Variants in COX7B2 observed in about 807,000 individuals in gnomAD.
COX7B2 encodes cytochrome c oxidase subunit 7B2, mitochondrial.
For synonymous variants in COX7B2, 37 were observed against 32.1 expected (o/e 1.15, Z -0.51); for missense variants, 109 against 95.9 (o/e 1.14, Z -0.57).
rs868209822 is a variant in COX7B2 at position 46,754,731 on chromosome 4, T to C, written c.-49-19490A>G. On this transcript the variant is annotated intron_variant, in intron 2 of 2. Coordinates refer to ENST00000355591, the MANE Select transcript of COX7B2 (RefSeq NM_130902.3). ...GTGTGTGTGTGTGTGTGTGTGTGTA[T>C]ATATATATATATATATATGAAAGAA... 2.0e-4 allele frequency among the ~76,000 whole-genome samples: 25 copies of C among 122,618 alleles called. 1 individual carries two copies. Among genetic ancestry groups the C allele is most frequent in the Non-Finnish European group, 1.5e-4 (9 of 59,246 alleles). The allele number at this position is 122,618 out of a possible 152,430, so 80.4% of individuals were successfully genotyped here. A position where few individuals can be genotyped will look rare whatever the true frequency, so the allele number is the denominator to read the frequency against.
At chr4:46,831,055 G>A (rs768777096) in intron 2 of COX7B2, among the ~76,000 whole-genome samples, 4 of 152,142 alleles carry the variant, frequency 2.6e-5, no homozygotes, top group African/African-American at 4.8e-5. Flanking sequence ...AGGCATGGGC[G>A]GGAACCCGGG....
chr4:46,906,543 T>C (rs1720403362), intron 1 of COX7B2, among the ~76,000 whole-genome samples: 1 of 152,218 alleles, frequency 6.6e-6, no homozygotes, highest in Non-Finnish European at 1.5e-5. Context: ...TTTATTAATT[T>C]GGTCTCTTCT....
At chr4:46,825,564 C>T (rs748990047) in intron 2 of COX7B2, among the ~76,000 whole-genome samples, 1 of 151,996 alleles carries the variant, frequency 6.6e-6, no homozygotes, top group Non-Finnish European at 1.5e-5. Context: ...AAAAAGAGCT[C>T]CCATAGCCAA....
chr4:46,800,590 C>A (rs1000716572), intron 2 of COX7B2, among the ~76,000 whole-genome samples: 1 of 152,048 alleles, frequency 6.6e-6, no homozygotes, highest in African/African-American at 2.4e-5. Flanking sequence ...TTACACCATA[C>A]AGAAAAATCA....
chr4:46,866,456 A>T (rs887534385), intron 1 of COX7B2, among the ~76,000 whole-genome samples: 6 of 152,196 alleles, frequency 3.9e-5, no homozygotes, highest in African/African-American at 1.2e-4. Flanking sequence ...TTTCTTTTGT[A>T]TATCAAAAAC....
intron 2 of COX7B2, among the ~76,000 whole-genome samples, chr4:46,746,944 C>T (rs551187589): frequency 2.0e-5 from 3 of 152,256 alleles, no homozygotes; most frequent in Non-Finnish European, 2.9e-5. Context: ...CAGGAATGCT[C>T]AGCAGAAGAG....
intron 1 of COX7B2, among the ~76,000 whole-genome samples, chr4:46,892,319 CAT>C (rs1190622404): frequency 2.6e-5 from 4 of 152,186 alleles, no homozygotes; most frequent in African/African-American, 4.8e-5. Flanking sequence ...AGACATGTCA[CAT>C]GAGTTATTAT....
intron 2 of COX7B2, among the ~76,000 whole-genome samples, chr4:46,810,660 A>G (rs912309762): frequency 2.6e-5 from 4 of 152,064 alleles, no homozygotes; most frequent in Non-Finnish European, 5.9e-5. Context: ...TTCATACTAG[A>G]GATATGTATG....
intron 2 of COX7B2, among the ~76,000 whole-genome samples, chr4:46,808,828 G>T (rs1023142286): frequency 2.1e-4 from 32 of 152,028 alleles, no homozygotes; most frequent in African/African-American, 7.0e-4. Context: ...TTAATGTGAT[G>T]TATCACATTG....
chr4:46,820,240 T>C (rs1014546552), intron 2 of COX7B2, among the ~76,000 whole-genome samples: 1 of 152,072 alleles, frequency 6.6e-6, no homozygotes, highest in Non-Finnish European at 1.5e-5. Context: ...AGTGACCTAT[T>C]ATCAGGCATT....
chr4:46,872,487 A>G (rs1560430398), intron 1 of COX7B2, among the ~76,000 whole-genome samples: 1 of 152,150 alleles, frequency 6.6e-6, no homozygotes, highest in Non-Finnish European at 1.5e-5. Context: ...GTTATAAATA[A>G]ATAGATAAAT....
In COX7B2 at chr4:46,781,885, G is replaced by A. The variant is rs138631633; in HGVS notation, c.-49-46644C>T. ...TTACCTGCCCACGCGGGCCTCAGCC[G>A]CCTCCCCGTGTGGCAGGGCTCAGGA... On this transcript the variant is annotated intron_variant, in intron 2 of 2. Coordinates refer to ENST00000355591, the MANE Select transcript of COX7B2 (RefSeq NM_130902.3). Among the ~76,000 whole-genome samples, 721 of 152,334 alleles carry A rather than the reference G, an allele frequency of 4.7e-3. 13 individuals carry two copies. The highest frequency in any genetic ancestry group is 0.016 in the African/African-American group (686 of 41,590).
intron 1 of COX7B2, among the ~76,000 whole-genome samples, chr4:46,850,872 A>G (rs565384863): frequency 2.6e-5 from 4 of 152,204 alleles, no homozygotes; most frequent in Non-Finnish European, 5.9e-5. Context: ...CAAGATTACC[A>G]TTGTAATCTA....
At chr4:46,863,720 T>A (rs1269955553) in intron 1 of COX7B2, among the ~76,000 whole-genome samples, 2 of 152,224 alleles carry the variant, frequency 1.3e-5, no homozygotes, top group Non-Finnish European at 2.9e-5. Context: ...CCTTTTCTCC[T>A]CTGGTTTTAA....
chr4:46,758,250 A>G (rs1352867328), intron 2 of COX7B2, among the ~76,000 whole-genome samples: 2 of 140,692 alleles, frequency 1.4e-5, no homozygotes, highest in Admixed American at 7.7e-5. Flanking sequence ...AATTTTAGAT[A>G]TGCTACTTTC....
intron 2 of COX7B2, among the ~76,000 whole-genome samples, chr4:46,795,348 C>A: frequency 1.5e-5 from 1 of 68,242 alleles, no homozygotes; most frequent in South Asian, 6.1e-4. Context: ...ACGTTTAAAT[C>A]TTTAATCCAT....
intron 2 of COX7B2, among the ~76,000 whole-genome samples, chr4:46,803,895 C>G (rs191158113): frequency 6.6e-6 from 1 of 152,090 alleles, no homozygotes; most frequent in African/African-American, 2.4e-5. Flanking sequence ...GTGCTACTTT[C>G]GAGGTCTCTT....
chr4:46,769,358 A>C (rs369930252), intron 2 of COX7B2, among the ~76,000 whole-genome samples: 16 of 152,292 alleles, frequency 1.1e-4, no homozygotes, highest in African/African-American at 3.9e-4. Flanking sequence ...AAGAACAATA[A>C]AAGGTTAATA....
intron 1 of COX7B2, among the ~76,000 whole-genome samples, chr4:46,874,253 T>G (rs1718181844): frequency 6.6e-6 from 1 of 152,188 alleles, no homozygotes; most frequent in South Asian, 2.1e-4. Context: ...ACGAGCAACA[T>G]GGTTGGGAAG....
Sources: allele counts gnomAD v4.1 joint callset (sites outside exome capture counted in the v4.1 genomes callset), GRCh38; gene constraint gnomAD v4.1.1; transcripts MANE v1.5; gene names NCBI Gene and HGNC (gene_info 2026-07-23, HGNC 2026-07-21).